BACH1: variants seen among roughly 807,000 people sequenced by gnomAD.
The protein encoded by BACH1 is BTB domain and CNC homolog 1, also known as transcription regulator protein BACH1.
A neutral mutation model predicts 52.9 loss-of-function variants in BACH1; 35 were observed. The ratio of observed to expected loss-of-function variants is 0.66; its 90% CI spans 0.51 to 0.88. The LOEUF is 0.88. BACH1 is among the 40% of genes least tolerant of loss of function. BACH1 has a pLI of 0.00. For missense variants in BACH1, 808 were observed against 872.6 expected (o/e 0.93, Z 0.93); for synonymous variants, 321 against 319.6 (o/e 1.00, Z -0.05).
At chr21:29,302,887 T>A (rs2123400344) in intron 1 of BACH1, among the ~76,000 whole-genome samples, 1 of 152,290 alleles carries the variant, frequency 6.6e-6, no homozygotes, top group East Asian at 1.9e-4. Context: ...GGACATAGCT[T>A]TTTACTTAAA....
At chr21:29,346,613 G>A (rs950530794), downstream of BACH1, among the ~76,000 whole-genome samples, 3 of 152,154 alleles carry the variant, frequency 2.0e-5, no homozygotes, top group African/African-American at 7.2e-5. Flanking sequence ...CACAAATCTC[G>A]GGGGCAGGGT....
At position 29,358,019 on chromosome 21, in the gene BACH1, C is replaced by T. The variant is rs138638122; in HGVS notation, c.472+28326C>T. Among the ~76,000 whole-genome samples the T allele has an allele frequency of 5.7e-4, 87 of 152,276 alleles. No individual in the cohort carries two copies. The East Asian group carries it at 0.01, about 18-fold the overall frequency. ...CTAGTCCCTGTGGTCTGATGTCCAC[C>T]CCTCACTTCTTCTGCCCTTTCCTTA... On this transcript the variant is annotated intron_variant, in intron 2 of 4. Coordinates refer to the BACH1 transcript ENST00000422809.
downstream of BACH1, among the ~76,000 whole-genome samples, chr21:29,347,505 A>C (rs146537888): frequency 7.2e-5 from 11 of 152,338 alleles, no homozygotes; most frequent in African/African-American, 2.6e-4. Flanking sequence ...AAACTAGGGA[A>C]GTCTTAGGGA....
In BACH1 at chr21:29,326,286, C is replaced by T. The variant is rs762789684; in HGVS notation, c.462C>T (p.Asp154=). The change falls in exon 3 of 5, where the codon GAC becomes GAT. Residue 154 remains aspartate, a synonymous_variant. Transcript: ENST00000286800. ...KCFSSHCQKT[D]LKLSLLDQRD... is the part of the protein sequence containing the mutation. ...TTTCATCACACTGTCAGAAAACAGA[C>T]CTTAAACTTTCACTTTTGGACCAGA... 2 of 1,614,118 alleles carry T rather than the reference C, an allele frequency of 1.2e-6. No individual in the cohort carries two copies. The highest frequency in any genetic ancestry group is 2.2e-5 in the South Asian group (2 of 91,080).
downstream of BACH1, among the ~76,000 whole-genome samples, chr21:29,346,966 A>G (rs1479773925): frequency 6.6e-6 from 1 of 152,174 alleles, no homozygotes. Flanking sequence ...GAAGGCCCCC[A>G]CTTGAGTGTT....
intron 1 of BACH1, among the ~76,000 whole-genome samples, chr21:29,316,071 A>G (rs1025815980): frequency 5.3e-5 from 8 of 152,202 alleles, no homozygotes; most frequent in Non-Finnish European, 1.2e-4. Flanking sequence ...CTTGAGGTAG[A>G]TAAAATTCTA....
At chr21:29,351,442 T>A (rs760307277) in intron 2 of BACH1, among the ~76,000 whole-genome samples, 3 of 152,228 alleles carry the variant, frequency 2.0e-5, no homozygotes, top group Non-Finnish European at 4.4e-5. Context: ...TATGTTTTCC[T>A]TGCTTTGATT....
chr21:29,338,213 A>T (rs1601365434), intron 4 of BACH1, among the ~76,000 whole-genome samples: 1 of 152,228 alleles, frequency 6.6e-6, no homozygotes. Flanking sequence ...AAATTAGACA[A>T]TCAGTATTAC....
intron 2 of BACH1, among the ~76,000 whole-genome samples, chr21:29,355,333 T>A (rs143191578): frequency 0.031 from 4,688 of 152,024 alleles, 232 homozygotes; most frequent in African/African-American, 0.1. Context: ...TTTTACAGAG[T>A]GCTGATTGGT....
chr21:29,342,927 C>G lies in BACH1; in HGVS notation c.*94C>G. On this transcript the variant is annotated 3_prime_UTR_variant, in exon 5 of 5. Transcript: ENST00000286800. The stretch of plus-strand genomic sequence containing the variant: ...TATGACCATCTGTTGCTCAACAATA[C>G]TGTTTTTTTCCTTTAGTAGTTTACC... 8.0e-7 allele frequency: 1 copy of G among 1,255,308 alleles called. No homozygotes were observed. The highest frequency in any genetic ancestry group is 1.1e-6 in the Non-Finnish European group (1 of 927,080). 77.8% of individuals were successfully genotyped at this position (1,255,308 alleles called of 1,614,324 possible). A position where few individuals can be genotyped will look rare whatever the true frequency, so the allele number is the denominator to read the frequency against.
At chr21:29,359,196 C>G (rs2089256567) in intron 2 of BACH1, 1 of 151,948 alleles carries the variant, frequency 6.6e-6, no homozygotes, top group Admixed American at 6.6e-5. Flanking sequence ...TATTGTATCT[C>G]TACTCAAACT....
chr21:29,316,131 G>C (rs532661121), intron 1 of BACH1, among the ~76,000 whole-genome samples: 26 of 152,170 alleles, frequency 1.7e-4, no homozygotes, highest in African/African-American at 6.3e-4. Flanking sequence ...CTGACTTTCT[G>C]TTAGATGAAA....
chr21:29,357,007 C>T (rs1264194174), intron 2 of BACH1, among the ~76,000 whole-genome samples: 1 of 152,226 alleles, frequency 6.6e-6, no homozygotes, highest in Non-Finnish European at 1.5e-5. Context: ...GGTTTTTACA[C>T]TGCATGCAAT....
intron 2 of BACH1, chr21:29,351,590 A>G (rs778199218): frequency 3.7e-6 from 2 of 534,400 alleles, no homozygotes; most frequent in African/African-American, 1.9e-5. Flanking sequence ...AGAAGACCTC[A>G]TCTATTATGC....
intron 1 of BACH1, among the ~76,000 whole-genome samples, chr21:29,310,477 G>T (rs1295526113): frequency 5.3e-5 from 8 of 152,234 alleles, no homozygotes; most frequent in Admixed American, 3.9e-4. Flanking sequence ...TAGACATACA[G>T]GTAGTAATTT....
chr21:29,334,470 T>C (rs183019270), intron 4 of BACH1, among the ~76,000 whole-genome samples: 5 of 152,354 alleles, frequency 3.3e-5, no homozygotes, highest in Non-Finnish European at 7.3e-5. Flanking sequence ...GAAGCTCTTG[T>C]CTATGTAGCT....
chr21:29,331,565 T>C (rs1360261978), intron 4 of BACH1, among the ~76,000 whole-genome samples: 2 of 152,226 alleles, frequency 1.3e-5, no homozygotes, highest in Non-Finnish European at 2.9e-5. Context: ...ATTTCAGATA[T>C]CTAGGATGAA....
At chr21:29,333,340 A>G (rs1353686153) in intron 4 of BACH1, among the ~76,000 whole-genome samples, 1 of 152,196 alleles carries the variant, frequency 6.6e-6, no homozygotes, top group African/African-American at 2.4e-5. Flanking sequence ...GAGAGTTGAG[A>G]AAGAGGAAGG....
At chr21:29,360,845 C>CA (rs561114811) in intron 2 of BACH1, among the ~76,000 whole-genome samples, 4,352 of 83,444 alleles carry the variant, frequency 0.052, 95 homozygotes, top group African/African-American at 0.082. Flanking sequence ...GACCCTGTCT[C>CA]AAAAAAAAAA....
Sources: gnomAD v4.1 joint callset for allele counts (sites outside exome capture counted in the v4.1 genomes callset) on GRCh38, gnomAD v4.1.1 for gene constraint, MANE v1.5 for transcripts, NCBI Gene and HGNC (gene_info 2026-07-23, HGNC 2026-07-21) for gene names.